Variants in ERC2 observed in about 807,000 individuals in gnomAD.
The protein encoded by ERC2 is ERC protein 2.
A neutral mutation model predicts 114.8 loss-of-function variants in ERC2; 42 were observed. The observed-to-expected ratio is 0.37, with a 90% CI of 0.29 to 0.47. The LOEUF is 0.47. Among genes scored for constraint, ERC2 ranks in the 20% least tolerant of loss-of-function variants. The pLI, the probability that ERC2 is intolerant of heterozygous loss-of-function variation, is 0.99. For missense variants in ERC2, 939 were observed against 1,150.7 expected, an observed-to-expected ratio of 0.82 and a Z score of 2.66; for synonymous variants, 454 against 425.5, an observed-to-expected ratio of 1.07 and a Z score of -0.82.
rs10662566 is a variant in ERC2 at position 55,994,647 on chromosome 3, TAAAA to T, written c.2062-2401_2062-2398del. 9.8e-5 allele frequency among the ~76,000 whole-genome samples: 6 copies of T among 61,416 alleles called. No individual in the cohort carries two copies. The South Asian group carries it at 4.8e-3, about 49-fold the overall frequency. 40.3% of individuals were successfully genotyped at this position (61,416 alleles called of 152,430 possible). A position where few individuals can be genotyped will look rare whatever the true frequency, so the allele number is the denominator to read the frequency against. The stretch of plus-strand genomic sequence containing the variant: ...CATTGACAAGATACTACATACTCCC[TAAAA>T]AAAAAAAAAAAAAAAAAAAAAGCCT... On this transcript the variant is annotated intron_variant, in intron 10 of 17. Coordinates refer to ENST00000288221, the MANE Select transcript of ERC2 (RefSeq NM_015576.3).
chr3:56,151,606 C>T (rs1403976643), intron 4 of ERC2, among the ~76,000 whole-genome samples: 2 of 152,126 alleles, frequency 1.3e-5, no homozygotes, highest in Non-Finnish European at 2.9e-5. Context: ...AAATGGCTGG[C>T]ATGTCTACCG....
intron 17 of ERC2, among the ~76,000 whole-genome samples, chr3:55,663,183 C>A (rs2061211289): frequency 6.6e-6 from 1 of 152,198 alleles, no homozygotes; most frequent in Admixed American, 6.5e-5. Context: ...TGGAATTAGA[C>A]AATCGTTCTT....
rs925750337 is a variant in ERC2 at position 56,162,414 on chromosome 3, C to T, written c.1149+11032G>A. Reference sequence around the variant, plus strand: ...TTGTAGAATGAGTTAGGGAGGAGTCCGTGTTCCTTGCCTTTTTGCTATAGT... The same window carrying T: ...TTGTAGAATGAGTTAGGGAGGAGTCTGTGTTCCTTGCCTTTTTGCTATAGT... On this transcript the variant is annotated intron_variant, in intron 4 of 17. Coordinates refer to ENST00000288221, the MANE Select transcript of ERC2 (RefSeq NM_015576.3). 2.0e-5 allele frequency among the ~76,000 whole-genome samples: 3 copies of T among 152,088 alleles called. No homozygotes were observed. The South Asian group carries it at 6.2e-4, about 32-fold the overall frequency.
intron 17 of ERC2, among the ~76,000 whole-genome samples, chr3:55,589,383 AC>A (rs2057760412): frequency 6.6e-6 from 1 of 151,988 alleles, no homozygotes; most frequent in Admixed American, 6.6e-5. Flanking sequence ...GGAAAAAGGC[AC>A]CCTTCTTCAA....
intron 3 of ERC2, among the ~76,000 whole-genome samples, chr3:56,182,771 C>T (rs1208215978): frequency 6.6e-6 from 1 of 152,186 alleles, no homozygotes; most frequent in East Asian, 1.9e-4. Context: ...GAAGTTGACA[C>T]CTCCATTGGC....
chr3:55,916,067 C>G (rs11713641), intron 13 of ERC2, among the ~76,000 whole-genome samples: 1 of 151,954 alleles, frequency 6.6e-6, no homozygotes, highest in Non-Finnish European at 1.5e-5. Context: ...AACTCTGCTG[C>G]GAGGTCAAGC....
intron 15 of ERC2, among the ~76,000 whole-genome samples, chr3:55,720,783 A>AT (rs1454500741): frequency 6.6e-6 from 1 of 152,192 alleles, no homozygotes; most frequent in Non-Finnish European, 1.5e-5. Flanking sequence ...CAGAGATGGT[A>AT]TGGGACCACC....
intron 1 of ERC2, among the ~76,000 whole-genome samples, chr3:56,446,601 G>A (rs116699823): frequency 1.8e-3 from 264 of 148,078 alleles, no homozygotes; most frequent in African/African-American, 6.1e-3. Flanking sequence ...AATAGAGGGC[G>A]CATTTTCTTC....
At chr3:55,916,315 G>A (rs181701933) in intron 13 of ERC2, among the ~76,000 whole-genome samples, 1 of 152,244 alleles carries the variant, frequency 6.6e-6, no homozygotes, top group Non-Finnish European at 1.5e-5. Context: ...GTTTCCAAAT[G>A]TTTATTGCCT....
intron 14 of ERC2, among the ~76,000 whole-genome samples, chr3:55,858,449 A>T (rs1234670151): frequency 6.6e-6 from 1 of 152,228 alleles, no homozygotes; most frequent in East Asian, 1.9e-4. Flanking sequence ...CCACGAGGCA[A>T]TGTGTGATCT....
chr3:56,398,472 AT>A (rs566448728), intron 2 of ERC2, among the ~76,000 whole-genome samples: 94 of 152,290 alleles, frequency 6.2e-4, no homozygotes, highest in African/African-American at 2.0e-3. Flanking sequence ...CACAGGTAAC[AT>A]TTGAGACATA....
At chr3:55,578,566 T>C (rs2107551294) in intron 17 of ERC2, among the ~76,000 whole-genome samples, 1 of 152,352 alleles carries the variant, frequency 6.6e-6, no homozygotes, top group South Asian at 2.1e-4. Context: ...TTATAAAAAA[T>C]ACAGTGAAAC....
intron 6 of ERC2, among the ~76,000 whole-genome samples, chr3:56,098,288 T>G (rs868523839): frequency 6.6e-6 from 1 of 152,212 alleles, no homozygotes; most frequent in South Asian, 2.1e-4. Context: ...AGAATTTGAG[T>G]CTTTTAAGAA....
intron 17 of ERC2, among the ~76,000 whole-genome samples, chr3:55,581,871 G>A (rs988232894): frequency 3.3e-5 from 5 of 152,126 alleles, no homozygotes; most frequent in Non-Finnish European, 7.4e-5. Context: ...AGTATAACCA[G>A]CTCATAACAC....
intron 13 of ERC2, among the ~76,000 whole-genome samples, chr3:55,928,355 T>G (rs527968867): frequency 6.6e-6 from 1 of 152,262 alleles, no homozygotes; most frequent in Non-Finnish European, 1.5e-5. Flanking sequence ...CTTTCTCTGA[T>G]GATCAATAAT....
intron 13 of ERC2, among the ~76,000 whole-genome samples, chr3:55,890,673 G>A (rs1455691429): frequency 6.6e-6 from 1 of 152,204 alleles, no homozygotes; most frequent in African/African-American, 2.4e-5. Flanking sequence ...GCACCTGGGA[G>A]ACACAATACA....
At chr3:55,820,578 G>T (rs2060084326) in intron 14 of ERC2, among the ~76,000 whole-genome samples, 1 of 152,106 alleles carries the variant, frequency 6.6e-6, no homozygotes, top group Non-Finnish European at 1.5e-5. Flanking sequence ...GCTCTTAACA[G>T]ACTGCTTTAA....
At chr3:56,275,927 A>G (rs1405534959) in intron 3 of ERC2, among the ~76,000 whole-genome samples, 1 of 152,206 alleles carries the variant, frequency 6.6e-6, no homozygotes, top group Non-Finnish European at 1.5e-5. Context: ...CCAGCAAAGA[A>G]CTATCCAGCC....
chr3:55,600,568 T>C (rs2058355301), intron 17 of ERC2, among the ~76,000 whole-genome samples: 2 of 152,226 alleles, frequency 1.3e-5, no homozygotes, highest in African/African-American at 4.8e-5. Flanking sequence ...CAAGACATTA[T>C]TTCTGGTTTT....
Sources: allele counts gnomAD v4.1 joint callset (sites outside exome capture counted in the v4.1 genomes callset), GRCh38; gene constraint gnomAD v4.1.1; transcripts MANE v1.5; gene names NCBI Gene and HGNC (gene_info 2026-07-23, HGNC 2026-07-21).